ANKRD24: variants seen among roughly 807,000 people sequenced by gnomAD.
ANKRD24 encodes the protein ankyrin repeat domain 24, also known as ankyrin repeat domain-containing protein 24.
Under a neutral mutation model 127.8 loss-of-function variants are expected in ANKRD24, and 109 were observed. That is an observed-to-expected ratio of 0.85 (90% CI 0.73 to 1.00). The LOEUF is 1.00. Among genes scored for constraint, ANKRD24 ranks in the 50% least tolerant of loss-of-function variants. The pLI is 0.00. For synonymous variants in ANKRD24, 743 were observed against 671.1 expected, an observed-to-expected ratio of 1.11 and a Z score of -1.66; for missense variants, 1,648 against 1,570.2, an observed-to-expected ratio of 1.05 and a Z score of -0.84.
At chr19:4,186,267 G>T (rs1276946858) in intron 1 of ANKRD24, 123 bp from the exon 2 acceptor site, 38 of 1,463,584 alleles carry the variant, frequency 2.6e-5, no homozygotes, top group Non-Finnish European at 3.3e-5. Context: ...TCTGTGTCTT[G>T]CTCTAGGGGC....
At position 4,199,812 on chromosome 19, in the gene ANKRD24, CG is replaced by C. The variant is rs1236417868; in HGVS notation, c.123+48del. On this transcript the variant is annotated intron_variant, in intron 3 of 21. Coordinates refer to ENST00000318934, the MANE Select transcript of ANKRD24 (RefSeq NM_001393985.1). This position sits in a 1 kb window ranked among gnomAD's most constrained non-coding sequence, Gnocchi z 5.2. Reference sequence around the variant, plus strand: ...GGTGGTGAGAGCCCGGAGCCCCTGTCGGGGGCGTGGGGAGGGGACAGCAGCC... The same window carrying C: ...GGTGGTGAGAGCCCGGAGCCCCTGTCGGGGCGTGGGGAGGGGACAGCAGCC... The C allele has an allele frequency of 9.8e-6, 15 of 1,532,968 alleles. No individual in the cohort carries two copies. The African/African-American group carries it at 1.1e-4, about 11-fold the overall frequency. 95.0% of individuals were successfully genotyped at this position (1,532,968 alleles called of 1,614,324 possible).
chr19:4,189,243 C>CTTTTTTTTTTTT (rs398033749), intron 2 of ANKRD24, among the ~76,000 whole-genome samples: 9 of 73,938 alleles, frequency 1.2e-4, no homozygotes, highest in African/African-American at 2.1e-4. Flanking sequence ...TTTCTTTCTT[C>CTTTTTTTTTTTT]TTTTTTTTTT....
At position 4,199,010 on chromosome 19, in the gene ANKRD24, C is replaced by T. The variant is rs778828662; in HGVS notation, c.37-673C>T. ...CTTCAGGAATTTGGGGGAGACATTT[C>T]GTAATGCATTTCAGGCTATAGTGTT... On this transcript the variant is annotated intron_variant, in intron 2 of 21. Transcript: ENST00000318934. This position sits in a 1 kb window ranked among gnomAD's most constrained non-coding sequence, Gnocchi z 5.2. Among the ~76,000 whole-genome samples the T allele has an allele frequency of 1.1e-4, 16 of 151,992 alleles. No homozygotes were observed. The East Asian group carries it at 1.3e-3, about 13-fold the overall frequency.
intron 21 of ANKRD24, 60 bp downstream of exon 21, chr19:4,224,252 G>T (rs1970618679): frequency 1.3e-6 from 2 of 1,523,808 alleles, no homozygotes; most frequent in African/African-American, 2.8e-5. Flanking sequence ...TGCTCTCTGA[G>T]CCTCAGTTTC....
At chr19:4,182,965 T>TTGTGTGTGTGTGGGTGTGTG (rs1967815806) in intron 1 of ANKRD24, among the ~76,000 whole-genome samples, 1 of 138,582 alleles carries the variant, frequency 7.2e-6, no homozygotes, top group Non-Finnish European at 1.6e-5. Context: ...AATATCTCAT[T>TTGTGTGTGTGTGGGTGTGTG]TGTGTGTGTG....
chr19:4,188,259 T>C (rs976188649), intron 2 of ANKRD24, among the ~76,000 whole-genome samples: 4 of 151,772 alleles, frequency 2.6e-5, no homozygotes, highest in Non-Finnish European at 5.9e-5. Context: ...GTATTTTTAG[T>C]AGAGGCAGGA....
Position 4,224,141 on chromosome 19 carries a change from C to T in ANKRD24, c.3312C>T (p.Asp1104=). 1.2e-6 allele frequency: 2 copies of T among 1,612,890 alleles called. No individual in the cohort carries two copies. The highest frequency in any genetic ancestry group is 1.7e-6 in the Non-Finnish European group (2 of 1,179,716). ...CATGCCCACAGGAAGCTGCCAGGGA[C>T]CACTCCAGCGTGGTGGCTTTGTACA... ...LQQQLQEAAR[D]HSSVVALYRS... Residue 1104 remains aspartate (D), a synonymous_variant, in exon 21 of 22, where the codon GAC becomes GAT. Transcript: ENST00000318934.
chr19:4,200,645 C>T (rs1051890675), intron 5 of ANKRD24, among the ~76,000 whole-genome samples: 6 of 152,080 alleles, frequency 3.9e-5, no homozygotes, highest in Non-Finnish European at 7.4e-5. Context: ...CCTCAGCCTC[C>T]CAAGTAGCTA....
At position 4,195,907 on chromosome 19, in the gene ANKRD24, T is replaced by C. The variant is rs1195028281; in HGVS notation, c.37-3776T>C. Among the ~76,000 whole-genome samples the C allele has an allele frequency of 6.6e-6, 1 of 151,876 alleles. No individual in the cohort carries two copies. The highest frequency in any genetic ancestry group is 1.5e-5 in the Non-Finnish European group (1 of 67,964). On this transcript the variant is annotated intron_variant, in intron 2 of 21. Coordinates refer to ENST00000318934, the MANE Select transcript of ANKRD24 (RefSeq NM_001393985.1). This position sits in a 1 kb window ranked among gnomAD's most constrained non-coding sequence, Gnocchi z 4.2. The stretch of plus-strand genomic sequence containing the variant: ...AGACTCCGTCTCAAAAGAAAAAAAG[T>C]AAAAGTCTAAGAATAATCACGGACC...
intron 10 of ANKRD24, 119 bp from the exon 11 acceptor site, chr19:4,208,645 T>C (rs1969526931): frequency 1.0e-6 from 1 of 968,692 alleles, no homozygotes. Context: ...GCCAGATTTC[T>C]ACCTTAAACG....
At chr19:4,211,144 A>G (rs1249718847) in intron 13 of ANKRD24, among the ~76,000 whole-genome samples, 1 of 151,616 alleles carries the variant, frequency 6.6e-6, no homozygotes, top group East Asian at 1.9e-4. Context: ...CTTTATCTCC[A>G]TTTGCATCAC....
At chr19:4,187,329 C>G (rs1400519881) in intron 2 of ANKRD24, among the ~76,000 whole-genome samples, 1 of 151,854 alleles carries the variant, frequency 6.6e-6, no homozygotes, top group Non-Finnish European at 1.5e-5. Context: ...AGGAGAATTG[C>G]TTGAACCTGG....
At position 4,199,691 on chromosome 19, in the gene ANKRD24, C is replaced by G. The variant is rs1480100964; in HGVS notation, c.45C>G (p.Leu15=). The change falls in exon 3 of 22, where the codon CTC becomes CTG. Residue 15 remains leucine, a synonymous_variant. Transcript: ENST00000318934. This position sits in a 1 kb window ranked among gnomAD's most constrained non-coding sequence, Gnocchi z 5.2. ...ACCACCTCCCCCTGCAGCTGCGGCT[C>G]AGCCCCACTGACCTTGGCTCCTGCC... The part of the protein sequence containing the change: ...RARFKKTELR[L]SPTDLGSCPP... 12 of 1,535,430 alleles carry G rather than the reference C, an allele frequency of 7.8e-6. No homozygotes were observed. Among genetic ancestry groups the G allele is most frequent in the Non-Finnish European group, 1.0e-5 (12 of 1,143,838 alleles).
At chr19:4,219,544 A>T (rs79297355) in intron 18 of ANKRD24, 47 bp from the exon 19 acceptor site, 181,305 of 1,551,996 alleles carry the variant, frequency 0.12, 11,789 homozygotes, top group Non-Finnish European at 0.13. Flanking sequence ...GTCTAGCATC[A>T]TTGGAGTCTT....
rs547879537 is a variant in ANKRD24 at position 4,221,680 on chromosome 19, C to T, written c.3172-990C>T. On this transcript the variant is annotated intron_variant, in intron 19 of 21. Transcript: ENST00000318934. Reference sequence around the variant, plus strand: ...TTCAGCATAAAGAATGACCCAGCCTCGACTCACTGTGGGACCTTAGACCAG... The same window carrying T: ...TTCAGCATAAAGAATGACCCAGCCTTGACTCACTGTGGGACCTTAGACCAG... Among the ~76,000 whole-genome samples the T allele has an allele frequency of 1.4e-4, 22 of 152,256 alleles. 1 individual carries two copies. In the South Asian group the frequency reaches 3.9e-3, roughly 27 times the overall value.
rs77077680 is a variant in ANKRD24, at chr19:4,187,759, A to T, written c.36+1298A>T. On this transcript the variant is annotated intron_variant, in intron 2 of 21. Transcript: ENST00000318934. ...ACTTGGAGCCTTTAGTTTTCGTATC[A>T]TGGGATACAACATCCCCATCTGGTG... Among the ~76,000 whole-genome samples the T allele has an allele frequency of 2.2e-3, 334 of 152,342 alleles. 4 individuals are homozygous for T. The East Asian group carries it at 0.045, about 20-fold the overall frequency.
At position 4,195,832 on chromosome 19, in the gene ANKRD24, T is replaced by G. The variant is rs1483342825; in HGVS notation, c.37-3851T>G. On this transcript the variant is annotated intron_variant, in intron 2 of 21. Transcript: ENST00000318934. This position sits in a 1 kb window ranked among gnomAD's most constrained non-coding sequence, Gnocchi z 4.2. ...TTGCTTGAACCCGGGAGGCAGAGCT[T>G]GCAGTGAGCCGAGATCGCACCACTG... 6.6e-6 allele frequency among the ~76,000 whole-genome samples: 1 copy of G among 152,082 alleles called. No homozygotes were observed. Among genetic ancestry groups the G allele is most frequent in the African/African-American group, 2.4e-5 (1 of 41,406 alleles).
At chr19:4,214,463 C>T (rs982301955) in intron 15 of ANKRD24, among the ~76,000 whole-genome samples, 1 of 152,078 alleles carries the variant, frequency 6.6e-6, no homozygotes, top group Admixed American at 6.6e-5. Context: ...TGAAAACACA[C>T]AATTATGCAA....
intron 13 of ANKRD24, among the ~76,000 whole-genome samples, chr19:4,211,370 G>A (rs1352985451): frequency 6.6e-6 from 1 of 152,006 alleles, no homozygotes; most frequent in African/African-American, 2.4e-5. Flanking sequence ...TGGGCACGGT[G>A]GCTCACACCT....
Sources: allele counts gnomAD v4.1 joint callset (sites outside exome capture counted in the v4.1 genomes callset), GRCh38; gene constraint gnomAD v4.1.1; non-coding constraint Gnocchi (gnomAD v3.1); transcripts MANE v1.5; gene names NCBI Gene and HGNC (gene_info 2026-07-23, HGNC 2026-07-21).